Variants in N4BP2 observed in about 807,000 individuals in gnomAD.
N4BP2 encodes NEDD4-binding protein 2.
Under a neutral mutation model 152.8 loss-of-function variants are expected in N4BP2, and 91 were observed. The observed-to-expected ratio is 0.60, with a 90% CI of 0.50 to 0.71. N4BP2 has a LOEUF of 0.71. N4BP2 is among the 30% of genes least tolerant of loss of function. The pLI is 0.00. For missense variants in N4BP2, 1,923 were observed against 2,059.1 expected (o/e 0.93, Z 1.28); for synonymous variants, 646 against 705.3 (o/e 0.92, Z 1.33).
At chr4:40,172,651 T>C in the N4BP2 span, among the ~76,000 whole-genome samples, 1 of 152,128 alleles carries the variant, frequency 6.6e-6, no homozygotes, top group Non-Finnish European at 1.5e-5. Flanking sequence ...CACTTCGATT[T>C]TGGAATTTAG....
the N4BP2 span, among the ~76,000 whole-genome samples, chr4:40,183,337 AT>A: frequency 0.011 from 1,546 of 139,902 alleles, 17 homozygotes; most frequent in African/African-American, 0.031. Context: ...TACTTTTTAC[AT>A]TTTTTTTTTT....
At chr4:40,152,997 G>A (rs1721281139) in intron 17 of N4BP2, 94 bp downstream of exon 17, 3 of 1,242,988 alleles carry the variant, frequency 2.4e-6, no homozygotes, top group South Asian at 1.3e-5. Context: ...ATTGATAATA[G>A]CAATAGCCCT....
At chr4:40,123,003 G>C (rs1464112554) in intron 9 of N4BP2, 124 bp from the exon 10 acceptor site, 1 of 573,630 alleles carries the variant, frequency 1.7e-6, no homozygotes, top group Non-Finnish European at 3.1e-6. Flanking sequence ...TTAGTAAATA[G>C]AAGCATAAGT....
chr4:40,177,245 A>AG, the N4BP2 span, among the ~76,000 whole-genome samples: 2 of 152,162 alleles, frequency 1.3e-5, no homozygotes, highest in Admixed American at 1.3e-4. Context: ...GTTCTTTGGG[A>AG]GATAACAGGT....
At chr4:40,174,076 G>A in the N4BP2 span, among the ~76,000 whole-genome samples, 1 of 152,196 alleles carries the variant, frequency 6.6e-6, no homozygotes, top group Non-Finnish European at 1.5e-5. Context: ...CAACTGGATA[G>A]CTATTGTCAA....
intron 7 of N4BP2, among the ~76,000 whole-genome samples, chr4:40,116,291 A>G (rs972622395): frequency 4.6e-5 from 7 of 152,004 alleles, no homozygotes; most frequent in Admixed American, 4.6e-4. Flanking sequence ...TTATTCATAT[A>G]ATTGATCTTG....
chr4:40,147,016 G>C lies in N4BP2; in HGVS notation c.5143+2216G>C, dbSNP rs898988185. Among the ~76,000 whole-genome samples, 4 of 149,982 alleles carry C rather than the reference G, an allele frequency of 2.7e-5. No homozygotes were observed. The East Asian group carries it at 7.8e-4, about 29-fold the overall frequency. On this transcript the variant is annotated intron_variant, in intron 16 of 17. Transcript: ENST00000261435. The stretch of plus-strand genomic sequence containing the variant: ...GGAGGGAAGGTCAGCAGATAAACAA[G>C]TGAACAAAGGTCTCTGGTTTTCCTA...
chr4:40,132,238 GTCTC>G (rs1010191977), intron 13 of N4BP2, among the ~76,000 whole-genome samples: 13 of 151,994 alleles, frequency 8.6e-5, no homozygotes, highest in African/African-American at 3.1e-4. Context: ...TGTAAACATG[GTCTC>G]TCTCTCTGTG....
intron 12 of N4BP2, among the ~76,000 whole-genome samples, chr4:40,130,961 C>A (rs1408040565): frequency 6.6e-6 from 1 of 151,618 alleles, no homozygotes; most frequent in East Asian, 1.9e-4. Context: ...CAGTTTAGAG[C>A]AGATCCAAAT....
At chr4:40,068,707 T>G (rs1349372565) in intron 1 of N4BP2, among the ~76,000 whole-genome samples, 1 of 152,230 alleles carries the variant, frequency 6.6e-6, no homozygotes, top group Non-Finnish European at 1.5e-5. Context: ...CTGTGTTGAT[T>G]ACTGTAGCTC....
At position 40,103,047 on chromosome 4, in the gene N4BP2, T is replaced by TTAAC. The variant is rs1309008810; in HGVS notation, c.1204_1205insACTA (p.Ile402AsnfsTer14). 1 of 1,614,186 alleles carries TTAAC rather than the reference T, an allele frequency of 6.2e-7. No individual in the cohort carries two copies. Among genetic ancestry groups the TTAAC allele is most frequent in the African/African-American group, 1.3e-5 (1 of 75,054 alleles). On this transcript the variant is annotated frameshift_variant, in exon 4 of 18. Coordinates refer to ENST00000261435, the MANE Select transcript of N4BP2 (RefSeq NM_018177.6). LOFTEE classifies it high-confidence loss of function. ...GTCAACTACACATTTCCACCCTCAGTTATTTCTCACACTTCCCCAACAAAA... is the reference window on the plus strand; with the variant it reads ...GTCAACTACACATTTCCACCCTCAGTTAACTATTTCTCACACTTCCCCAACAAAA...
At chr4:40,078,699 T>C (rs554284951) in intron 2 of N4BP2, among the ~76,000 whole-genome samples, 9 of 151,990 alleles carry the variant, frequency 5.9e-5, no homozygotes, top group Admixed American at 5.3e-4. Flanking sequence ...CTTATTGTTT[T>C]GTATTTTTTT....
At chr4:40,092,008 TTATATATATATATATATATATATA>T (rs1221314746) in intron 2 of N4BP2, among the ~76,000 whole-genome samples, 3 of 27,202 alleles carry the variant, frequency 1.1e-4, no homozygotes, top group East Asian at 1.9e-3. Context: ...AAAAAAAAAA[TTATATATATATATATATATATATA>T]TATATATATA....
chr4:40,104,821 T>C (rs77932539), intron 4 of N4BP2, among the ~76,000 whole-genome samples: 1 of 151,658 alleles, frequency 6.6e-6, no homozygotes, highest in Non-Finnish European at 1.5e-5. Flanking sequence ...TTTTTTTTTT[T>C]GGAGACAGAG....
chr4:40,168,201 G>A, the N4BP2 span, among the ~76,000 whole-genome samples: 622 of 152,176 alleles, frequency 4.1e-3, 9 homozygotes, highest in African/African-American at 0.014. Context: ...GTAAATATAA[G>A]CAAGAGAGAA....
the N4BP2 span, among the ~76,000 whole-genome samples, chr4:40,172,143 A>C: frequency 6.6e-6 from 1 of 152,014 alleles, no homozygotes; most frequent in Non-Finnish European, 1.5e-5. Context: ...TGAACTCCTG[A>C]CCTCAAGTGA....
At chr4:40,176,087 CT>C in the N4BP2 span, among the ~76,000 whole-genome samples, 1 of 119,556 alleles carries the variant, frequency 8.4e-6, no homozygotes, top group Admixed American at 9.0e-5. Flanking sequence ...GAGACTCCGT[CT>C]CAAAAAAAAA....
chr4:40,081,194 G>T (rs967003258), intron 2 of N4BP2, among the ~76,000 whole-genome samples: 2 of 151,844 alleles, frequency 1.3e-5, no homozygotes, highest in Admixed American at 6.6e-5. Context: ...TGGAAAATGC[G>T]AAAGTAGCAT....
chr4:40,151,020 T>TA (rs771539987), intron 16 of N4BP2, among the ~76,000 whole-genome samples: 5 of 152,190 alleles, frequency 3.3e-5, no homozygotes, highest in Non-Finnish European at 7.4e-5. Flanking sequence ...AAAAATGAGT[T>TA]AAACAGTCCT....
Sources: allele counts gnomAD v4.1 joint callset (sites outside exome capture counted in the v4.1 genomes callset), GRCh38; gene constraint gnomAD v4.1.1; transcripts MANE v1.5; gene names NCBI Gene and HGNC (gene_info 2026-07-23, HGNC 2026-07-21).